The following SLC37A1 variants were observed in gnomAD, a reference collection of about 807,000 sequenced individuals.
SLC37A1 encodes the protein solute carrier family 37 member 1.
In SLC37A1, 49 loss-of-function variants were observed where a neutral mutation model predicts 75.3. The observed-to-expected ratio is 0.65, with a 90% CI of 0.52 to 0.83. The LOEUF (loss-of-function observed/expected upper bound fraction) is 0.83. Among genes scored for constraint, SLC37A1 ranks in the 40% least tolerant of loss-of-function variants. The pLI, the probability that SLC37A1 is intolerant of heterozygous loss-of-function variation, is 0.00. For missense variants in SLC37A1, 566 were observed against 695.0 expected, an observed-to-expected ratio of 0.81 and a Z score of 2.09; for synonymous variants, 268 against 292.1, an observed-to-expected ratio of 0.92 and a Z score of 0.84.
At position 42,564,786 on chromosome 21, in the gene SLC37A1, C is replaced by A. The variant is rs773382975; in HGVS notation, c.1214C>A (p.Ala405Asp). Residue 405 changes from alanine (A) to aspartate (D), a missense_variant, in exon 14 of 20, where the codon GCC becomes GAC. Physicochemically the swap from Ala to Asp is moderately radical, Grantham distance 126 (BLOSUM62 -2). Coordinates refer to ENST00000352133, the MANE Select transcript of SLC37A1 (RefSeq NM_001320537.2). ...STCGLMLLLA[A>D]PTLYIFSTVS... The stretch of plus-strand genomic sequence containing the variant: ...TGCGGCCTGATGCTGCTGCTCGCGG[C>A]CCCCACGGTCAGCCGTGCTGCCTTC... 11 of 1,604,876 alleles carry A rather than the reference C, an allele frequency of 6.9e-6. No homozygotes were observed. Among genetic ancestry groups the A allele is most frequent in the Admixed American group, 1.7e-5 (1 of 59,996 alleles).
intron 14 of SLC37A1, among the ~76,000 whole-genome samples, chr21:42,565,197 C>A (rs2055945199): frequency 6.6e-6 from 1 of 152,272 alleles, no homozygotes; most frequent in Non-Finnish European, 1.5e-5. Context: ...TGACACCCCC[C>A]TCTATGCCCC....
chr21:42,530,595 TACACACACACACACACACAC>T lies in SLC37A1; in HGVS notation c.139-4062_139-4043del, dbSNP rs71190427. 8.2e-3 allele frequency among the ~76,000 whole-genome samples: 848 copies of T among 103,216 alleles called. 32 individuals are homozygous for T. In the East Asian group the frequency reaches 0.095, roughly 12 times the overall value. The allele number at this position is 103,216 out of a possible 152,430, so 67.7% of individuals were successfully genotyped here. ...TAGACAGATCGTCAAATGCAGATGA[TACACACACACACACACACAC>T]ACACACACACACACACACACACACA... On this transcript the variant is annotated intron_variant, in intron 3 of 19. Transcript: ENST00000352133.
chr21:42,552,276 T>G lies in SLC37A1; in HGVS notation c.769-1786T>G, dbSNP rs922211878. ...AAACCCTGTATCAGTTGTGTCAAAA[T>G]TAATGTTTTTATTAATATCTTCAGA... is the stretch of plus-strand genomic sequence containing the variant. On this transcript the variant is annotated intron_variant, in intron 9 of 19. Transcript: ENST00000352133. The surrounding 1 kb of genome is among the most constrained non-coding windows in gnomAD (Gnocchi z 4.2). Among the ~76,000 whole-genome samples, 1 of 152,214 alleles carries G rather than the reference T, an allele frequency of 6.6e-6. No individual in the cohort carries two copies. The highest frequency in any genetic ancestry group is 1.5e-5 in the Non-Finnish European group (1 of 68,036).
chr21:42,512,402 T>A (rs989181175), upstream of SLC37A1, among the ~76,000 whole-genome samples: 4 of 152,064 alleles, frequency 2.6e-5, no homozygotes, highest in Admixed American at 2.6e-4. Flanking sequence ...TTGAGGCAGC[T>A]TAAAGAGTGG....
At chr21:42,502,457 G>A (rs2054349046) in intron 2 of SLC37A1, 1 of 152,128 alleles carries the variant, frequency 6.6e-6, no homozygotes, top group South Asian at 2.1e-4. Flanking sequence ...TGATGGACAG[G>A]CAGTGTCTCA....
intron 9 of SLC37A1, among the ~76,000 whole-genome samples, chr21:42,551,216 C>T (rs2055548856): frequency 6.6e-6 from 1 of 152,168 alleles, no homozygotes; most frequent in Non-Finnish European, 1.5e-5. Context: ...AGCAAGGTTG[C>T]AGAAAACAAG....
chr21:42,575,954 T>C (rs1315469524), intron 18 of SLC37A1: 1 of 985,080 alleles, frequency 1.0e-6, no homozygotes, highest in Admixed American at 6.1e-5. Flanking sequence ...TTACAACTGT[T>C]CAGAGAATCT....
chr21:42,556,939 C>T (rs1231371634), intron 10 of SLC37A1, among the ~76,000 whole-genome samples: 2 of 152,182 alleles, frequency 1.3e-5, no homozygotes, highest in Non-Finnish European at 2.9e-5. Context: ...CTGTCTGTCT[C>T]GGGGGCTCCT....
intron 3 of SLC37A1, chr21:42,526,095 C>T: frequency 2.2e-6 from 1 of 448,058 alleles, no homozygotes; most frequent in Non-Finnish European, 4.0e-6. Context: ...TTGACATTTC[C>T]AGAATTTGAA....
rs201465099 is a variant in SLC37A1, at chr21:42,518,462, G to A, written c.8G>A (p.Arg3Gln). The A allele has an allele frequency of 1.0e-4, 169 of 1,613,946 alleles. No homozygotes were observed. The highest frequency in any genetic ancestry group is 1.3e-4 in the Non-Finnish European group (151 of 1,180,016). ...TGGTCAGTGGCGACGTAAATGGCTCGACTCCCCGCTGGCATTCGCTTCATC... is the reference window on the plus strand; with the variant it reads ...TGGTCAGTGGCGACGTAAATGGCTCAACTCCCCGCTGGCATTCGCTTCATC... MA[R>Q]LPAGIRFIIS... The change falls in exon 2 of 20, where the codon CGA becomes CAA. Residue 3 changes from arginine to glutamine, a missense_variant. Transcript: ENST00000352133.
At chr21:42,513,676 G>A (rs531237746), upstream of SLC37A1, among the ~76,000 whole-genome samples, 1 of 150,526 alleles carries the variant, frequency 6.6e-6, no homozygotes, top group South Asian at 2.1e-4. Context: ...GCCGCAAGGC[G>A]TGGGGGCGCC....
At chr21:42,542,067 A>G (rs1353344905) in intron 6 of SLC37A1, among the ~76,000 whole-genome samples, 1 of 152,196 alleles carries the variant, frequency 6.6e-6, no homozygotes, top group Non-Finnish European at 1.5e-5. Flanking sequence ...TTTGGATTCA[A>G]AAGAGACCGG....
At position 42,568,343 on chromosome 21, in the gene SLC37A1, T is replaced by G. The variant is rs1388518901; in HGVS notation, c.1345-17T>G. 4 of 1,610,334 alleles carry G rather than the reference T, an allele frequency of 2.5e-6. No individual in the cohort carries two copies. In the African/African-American group the frequency reaches 5.3e-5, roughly 22 times the overall value. On this transcript the variant is annotated splice_polypyrimidine_tract_variant and intron_variant, in intron 16 of 19. Transcript: ENST00000352133. ...TGCTGTGGCGATAACTGCACGTCTG[T>G]TTTTCCTCTCTTCTAGGGGACTCAT...
At chr21:42,565,948 C>G in intron 15 of SLC37A1, 73 bp downstream of exon 15, 3 of 1,463,992 alleles carry the variant, frequency 2.0e-6, no homozygotes, top group Non-Finnish European at 2.9e-6. Flanking sequence ...AGATGAAATA[C>G]TAAAATCAAC....
At chr21:42,510,904 C>T (rs1360746659), upstream of SLC37A1, among the ~76,000 whole-genome samples, 2 of 152,152 alleles carry the variant, frequency 1.3e-5, no homozygotes, top group Non-Finnish European at 2.9e-5. Context: ...TAGCAGGGTA[C>T]TTCAGTACCC....
intron 3 of SLC37A1, 54 bp from the exon 4 acceptor site, chr21:42,534,644 A>G (rs2055084845): frequency 1.3e-6 from 2 of 1,574,562 alleles, no homozygotes; most frequent in Non-Finnish European, 1.7e-6. Flanking sequence ...CCCCATGCTG[A>G]GCCTCACTGA....
At chr21:42,568,463 G>C (rs776915730) in intron 17 of SLC37A1, 25 bp downstream of exon 17, 1 of 1,607,632 alleles carries the variant, frequency 6.2e-7, no homozygotes, top group South Asian at 1.1e-5. Flanking sequence ...TTAGCTCTGG[G>C]AGGTTTGGTG....
intron 2 of SLC37A1, among the ~76,000 whole-genome samples, chr21:42,519,548 G>C (rs1045841210): frequency 6.6e-6 from 1 of 152,154 alleles, no homozygotes; most frequent in Non-Finnish European, 1.5e-5. Context: ...ATTCAGGAAC[G>C]CAAATGCCTT....
intron 11 of SLC37A1, among the ~76,000 whole-genome samples, chr21:42,560,757 A>G (rs1601749081): frequency 6.6e-6 from 1 of 152,332 alleles, no homozygotes; most frequent in East Asian, 1.9e-4. Flanking sequence ...ATTTGTTTTT[A>G]ATTGTGTCCT....
Sources: allele counts gnomAD v4.1 joint callset (sites outside exome capture counted in the v4.1 genomes callset), GRCh38; gene constraint gnomAD v4.1.1; non-coding constraint Gnocchi (gnomAD v3.1); transcripts MANE v1.5; gene names NCBI Gene and HGNC (gene_info 2026-07-23, HGNC 2026-07-21).